Variants in SLC35D1 observed in about 807,000 individuals in gnomAD.
SLC35D1 encodes solute carrier family 35 member D1.
A neutral mutation model predicts 46.7 loss-of-function variants in SLC35D1; 31 were observed. That is an observed-to-expected ratio of 0.66 (90% CI 0.50 to 0.90). SLC35D1 has a LOEUF of 0.90. Among genes scored for constraint, SLC35D1 ranks in the 40% least tolerant of loss-of-function variants. SLC35D1 has a pLI of 0.00. For missense variants in SLC35D1, 397 were observed against 426.2 expected (o/e 0.93, Z 0.60); for synonymous variants, 195 against 164.6 (o/e 1.18, Z -1.41).
At chr1:67,025,506 G>A (rs1036289623) in intron 8 of SLC35D1, among the ~76,000 whole-genome samples, 3 of 152,056 alleles carry the variant, frequency 2.0e-5, no homozygotes, top group Non-Finnish European at 2.9e-5. Context: ...AATCAAGTAG[G>A]GTAAATCCTC....
At chr1:66,984,863 A>T in the SLC35D1 span, 1 of 1,597,542 alleles carries the variant, frequency 6.3e-7, no homozygotes, top group Non-Finnish European at 8.5e-7. Context: ...GCAGTCTCAC[A>T]TGGGAAATTT....
At chr1:67,028,650 C>G (rs887197929) in intron 8 of SLC35D1, among the ~76,000 whole-genome samples, 2 of 152,100 alleles carry the variant, frequency 1.3e-5, no homozygotes, top group African/African-American at 4.8e-5. Context: ...GTGTGTGTGC[C>G]TTTAAAGTTT....
rs568174777 is a variant in SLC35D1 at position 67,052,693 on chromosome 1, T to A, written c.324+78A>T. ...CAATTTTGAGGCTGCAATTTTTAAATACGCAAGGCACTGATAAAATATGTT... is the reference window on the plus strand; with the variant it reads ...CAATTTTGAGGCTGCAATTTTTAAAAACGCAAGGCACTGATAAAATATGTT... On this transcript the variant is annotated intron_variant, in intron 3 of 11. Transcript: ENST00000235345. 1.1e-5 allele frequency: 16 copies of A among 1,472,146 alleles called. No individual in the cohort carries two copies. In the East Asian group the frequency reaches 3.6e-4, roughly 33 times the overall value. 91.2% of individuals were successfully genotyped at this position (1,472,146 alleles called of 1,614,324 possible).
At chr1:66,975,391 G>A in the SLC35D1 span, among the ~76,000 whole-genome samples, 1 of 152,018 alleles carries the variant, frequency 6.6e-6, no homozygotes, top group Non-Finnish European at 1.5e-5. Flanking sequence ...CCTGAGTTTG[G>A]TGGCATGCAA....
At chr1:66,998,024 G>A (rs1354873484), downstream of SLC35D1, among the ~76,000 whole-genome samples, 5 of 151,718 alleles carry the variant, frequency 3.3e-5, no homozygotes, top group Non-Finnish European at 4.4e-5. Flanking sequence ...CTGAAAAACA[G>A]AAAATAACAA....
chr1:67,044,455 G>C (rs1645229021), intron 7 of SLC35D1, among the ~76,000 whole-genome samples: 1 of 151,966 alleles, frequency 6.6e-6, no homozygotes, highest in African/African-American at 2.4e-5. Flanking sequence ...ACATTAAAAA[G>C]GTGTTCAAGA....
chr1:67,050,368 C>T lies in SLC35D1; in HGVS notation c.464+65G>A. On this transcript the variant is annotated intron_variant, in intron 5 of 11. Coordinates refer to ENST00000235345, the MANE Select transcript of SLC35D1 (RefSeq NM_015139.3). ...AGGAACAAGACAAATAATTTAATAT[C>T]TCACATATGCTGGGCACCTTTTCAA... is the stretch of plus-strand genomic sequence containing the variant. 2.5e-6 allele frequency: 3 copies of T among 1,195,672 alleles called. No homozygotes were observed. The South Asian group carries it at 3.8e-5, about 15-fold the overall frequency. 74.1% of individuals were successfully genotyped at this position (1,195,672 alleles called of 1,614,324 possible).
At position 67,053,032 on chromosome 1, in the gene SLC35D1, A is replaced by C. The variant is rs569158849; in HGVS notation, c.204-43T>G. On this transcript the variant is annotated intron_variant, in intron 1 of 11. Transcript: ENST00000235345. ...AAAAAAACAAGATCAGAACAAACCT[A>C]ACTTAGCTCCGTGAATTCAATTTGC... 3.7e-6 allele frequency: 6 copies of C among 1,610,606 alleles called. No individual in the cohort carries two copies. The African/African-American group carries it at 6.7e-5, about 18-fold the overall frequency.
At chr1:66,982,022 A>G in the SLC35D1 span, 2 of 1,195,862 alleles carry the variant, frequency 1.7e-6, no homozygotes, top group Non-Finnish European at 2.4e-6. Flanking sequence ...CCAGAGCAGA[A>G]AGTAAAAAAT....
At chr1:67,042,065 T>C (rs923178156) in intron 8 of SLC35D1, among the ~76,000 whole-genome samples, 171 bp downstream of exon 8, 1 of 152,200 alleles carries the variant, frequency 6.6e-6, no homozygotes, top group Admixed American at 6.5e-5. Context: ...CTATCCAATG[T>C]TTACGCCAAG....
chr1:67,027,768 G>A (rs1432134158), intron 8 of SLC35D1, among the ~76,000 whole-genome samples: 1 of 152,122 alleles, frequency 6.6e-6, no homozygotes, highest in Non-Finnish European at 1.5e-5. Context: ...ACCAGGGTCT[G>A]TTGCCGAGGC....
rs539348378 is a variant in SLC35D1 at position 67,001,181 on chromosome 1, G to A, written c.*3159C>T. The A allele has an allele frequency of 2.0e-5, 3 of 152,410 alleles. No individual in the cohort carries two copies. The South Asian group carries it at 6.2e-4, about 32-fold the overall frequency. The allele number at this position is 152,410 out of a possible 1,614,324, so 9.4% of individuals were successfully genotyped here. On this transcript the variant is annotated 3_prime_UTR_variant, in exon 12 of 12. Transcript: ENST00000235345. ...TCAAGTAAGGCAGGCCCAAAGTCCT[G>A]GGGTGCCATTTCAAACCAACTCAAT...
At chr1:66,981,161 G>T in the SLC35D1 span, among the ~76,000 whole-genome samples, 2 of 152,156 alleles carry the variant, frequency 1.3e-5, no homozygotes, top group African/African-American at 4.8e-5. Context: ...TCCCAGATCT[G>T]CTCACCAATG....
chr1:67,044,784 G>T (rs12565459), intron 7 of SLC35D1, among the ~76,000 whole-genome samples: 5,387 of 152,256 alleles, frequency 0.035, 244 homozygotes, highest in East Asian at 0.22. Context: ...CATACTCAAT[G>T]GACTATAATT....
At chr1:66,986,484 GTC>G in the SLC35D1 span, 1 of 1,584,168 alleles carries the variant, frequency 6.3e-7, no homozygotes, top group East Asian at 2.2e-5. Flanking sequence ...AGCTTCTGTG[GTC>G]TTGTTTTTAA....
chr1:67,013,095 T>A (rs1667599984), intron 10 of SLC35D1, among the ~76,000 whole-genome samples: 1 of 146,316 alleles, frequency 6.8e-6, no homozygotes, highest in Non-Finnish European at 1.5e-5. Context: ...AAAAGTCAGC[T>A]TAATTAAAAA....
the SLC35D1 span, among the ~76,000 whole-genome samples, chr1:66,984,290 C>T: frequency 6.6e-6 from 1 of 152,198 alleles, no homozygotes; most frequent in Non-Finnish European, 1.5e-5. Flanking sequence ...ATGCCAAATT[C>T]TGTTCTTAGT....
chr1:67,012,664 T>C (rs1667592233), intron 10 of SLC35D1, among the ~76,000 whole-genome samples: 1 of 152,080 alleles, frequency 6.6e-6, no homozygotes. Flanking sequence ...CAAATTTTTC[T>C]CTTGACAAAA....
At chr1:67,051,231 C>A (rs1466224706) in intron 4 of SLC35D1, among the ~76,000 whole-genome samples, 10 of 152,146 alleles carry the variant, frequency 6.6e-5, no homozygotes, top group African/African-American at 2.4e-4. Flanking sequence ...TCAGGTTTCT[C>A]GGGTTTTAAA....
Sources: gnomAD v4.1 joint callset for allele counts (sites outside exome capture counted in the v4.1 genomes callset) on GRCh38, gnomAD v4.1.1 for gene constraint, MANE v1.5 for transcripts, NCBI Gene and HGNC (gene_info 2026-07-23, HGNC 2026-07-21) for gene names.